The following PALS1 variants were observed in gnomAD, a reference collection of about 807,000 sequenced individuals.
The protein encoded by PALS1 is protein PALS1.
Under a neutral mutation model 78.9 loss-of-function variants are expected in PALS1, and 31 were observed. That is an observed-to-expected ratio of 0.39 (90% confidence interval 0.30 to 0.53). The LOEUF is 0.53. Ranked by LOEUF, PALS1 falls within the 20% of genes least tolerant of loss-of-function variation. PALS1 has a pLI of 0.67. For missense variants in PALS1, 704 were observed against 826.5 expected (o/e 0.85, Z 1.82); for synonymous variants, 276 against 270.9 (o/e 1.02, Z -0.18).
rs908189732 is a variant in PALS1, at chr14:67,332,691, C to T, written c.1852-89C>T. 16 of 1,300,412 alleles carry T rather than the reference C, an allele frequency of 1.2e-5. No homozygotes were observed. In the South Asian group the frequency reaches 1.4e-4, roughly 11 times the overall value. The allele number at this position is 1,300,412 out of a possible 1,614,324, so 80.6% of individuals were successfully genotyped here. On this transcript the variant is annotated intron_variant, in intron 14 of 14. Coordinates refer to ENST00000261681, the MANE Select transcript of PALS1 (RefSeq NM_022474.4). ...GAGACAGAAGGAAAGCTATGAAGGT[C>T]GCTCCTTGTTCTTTGGCCATCTCTG... is the stretch of plus-strand genomic sequence containing the variant.
At chr14:67,314,838 C>G (rs747259298) in intron 9 of PALS1, among the ~76,000 whole-genome samples, 9 of 152,168 alleles carry the variant, frequency 5.9e-5, no homozygotes, top group Non-Finnish European at 8.8e-5. Flanking sequence ...CACCTGTAAT[C>G]CCAGCACTTT....
intron 1 of PALS1, among the ~76,000 whole-genome samples, chr14:67,261,440 G>C (rs2084235270): frequency 6.6e-6 from 1 of 152,086 alleles, no homozygotes; most frequent in South Asian, 2.1e-4. Context: ...AGTATGTTTA[G>C]GGATATTACA....
intron 1 of PALS1, among the ~76,000 whole-genome samples, chr14:67,266,598 T>G (rs1373142556): frequency 1.3e-5 from 2 of 151,696 alleles, no homozygotes; most frequent in East Asian, 3.9e-4. Context: ...AGTGTTGGGA[T>G]TACAGGCATG....
At chr14:67,268,411 T>G (rs909286700) in intron 1 of PALS1, among the ~76,000 whole-genome samples, 2 of 152,130 alleles carry the variant, frequency 1.3e-5, no homozygotes, top group Admixed American at 1.3e-4. Flanking sequence ...GGCAAGTCCA[T>G]AGAGTAAAAT....
intron 13 of PALS1, among the ~76,000 whole-genome samples, chr14:67,321,599 ATTTATCT>A (rs2085265935): frequency 6.6e-6 from 1 of 152,186 alleles, no homozygotes; most frequent in African/African-American, 2.4e-5. Flanking sequence ...AATTAAATTC[ATTTATCT>A]TTTATATACA....
intron 1 of PALS1, among the ~76,000 whole-genome samples, chr14:67,260,163 C>T (rs2084213284): frequency 6.6e-6 from 1 of 152,212 alleles, no homozygotes; most frequent in Non-Finnish European, 1.5e-5. Context: ...AGCGCCAGCT[C>T]TCCATCTTCC....
intron 1 of PALS1, among the ~76,000 whole-genome samples, chr14:67,256,873 T>C (rs959173304): frequency 6.6e-6 from 1 of 151,782 alleles, no homozygotes; most frequent in Admixed American, 6.6e-5. Context: ...ATTAAAAAAA[T>C]ATTGATTCTT....
intron 10 of PALS1, 63 bp from the exon 11 acceptor site, chr14:67,317,345 T>G: frequency 7.4e-7 from 1 of 1,357,656 alleles, no homozygotes. Context: ...AGTTCTTCAA[T>G]TTGAGTTATG....
At chr14:67,321,657 G>T (rs1156894853) in intron 13 of PALS1, among the ~76,000 whole-genome samples, 1 of 151,906 alleles carries the variant, frequency 6.6e-6, no homozygotes, top group Admixed American at 6.6e-5. Flanking sequence ...TTTTTCCTGG[G>T]GATATTGAAT....
At chr14:67,247,668 T>C (rs960237333) in intron 1 of PALS1, among the ~76,000 whole-genome samples, 1 of 152,180 alleles carries the variant, frequency 6.6e-6, no homozygotes, top group East Asian at 1.9e-4. Flanking sequence ...GCCTCGACTT[T>C]CTGGGCTCAG....
chr14:67,327,940 T>G (rs115350346), intron 14 of PALS1, among the ~76,000 whole-genome samples: 4,628 of 152,304 alleles, frequency 0.03, 89 homozygotes, highest in Non-Finnish European at 0.036. Context: ...CTGCAGTCAA[T>G]GTACGTGTGC....
At chr14:67,248,966 C>T (rs952412818) in intron 1 of PALS1, among the ~76,000 whole-genome samples, 2 of 151,516 alleles carry the variant, frequency 1.3e-5, no homozygotes, top group African/African-American at 2.4e-5. Context: ...GGCCTACATA[C>T]CAATTTTTTT....
At chr14:67,285,299 T>C (rs2140746943) in intron 3 of PALS1, among the ~76,000 whole-genome samples, 1 of 152,174 alleles carries the variant, frequency 6.6e-6, no homozygotes, top group African/African-American at 2.4e-5. Context: ...TCTGTTTTCA[T>C]ATGGGGTAAA....
At chr14:67,297,916 C>T (rs2084881054) in intron 4 of PALS1, among the ~76,000 whole-genome samples, 1 of 152,148 alleles carries the variant, frequency 6.6e-6, no homozygotes, top group East Asian at 1.9e-4. Flanking sequence ...ATCAAATGTT[C>T]AGTCTTATGA....
In PALS1 at chr14:67,302,389, TATAC is replaced by T; in HGVS notation, c.802-17_802-14del. On this transcript the variant is annotated splice_polypyrimidine_tract_variant and intron_variant, in intron 6 of 14. Transcript: ENST00000261681. ...AATTGTATTATTTTTATTTTTAAAT[TATAC>T]ATATATATATTTTTAGGGTGCTACA... The T allele has an allele frequency of 7.3e-7, 1 of 1,373,282 alleles. No individual in the cohort carries two copies. 85.1% of individuals were successfully genotyped at this position (1,373,282 alleles called of 1,614,324 possible).
intron 4 of PALS1, among the ~76,000 whole-genome samples, chr14:67,300,178 T>C (rs980343215): frequency 1.3e-5 from 2 of 152,180 alleles, no homozygotes; most frequent in Non-Finnish European, 2.9e-5. Context: ...GAGGACAGAC[T>C]GGTTTTGGTA....
At chr14:67,294,134 T>C (rs913497369) in intron 4 of PALS1, among the ~76,000 whole-genome samples, 4 of 152,236 alleles carry the variant, frequency 2.6e-5, no homozygotes, top group African/African-American at 9.6e-5. Flanking sequence ...TATTCACATA[T>C]GTGAATATAG....
intron 1 of PALS1, among the ~76,000 whole-genome samples, chr14:67,259,687 G>C (rs2084204252): frequency 6.6e-6 from 1 of 151,750 alleles, no homozygotes. Context: ...GAGGCAGGAG[G>C]ATCCCTTTGC....
chr14:67,310,961 G>T (rs2085079750), intron 8 of PALS1, among the ~76,000 whole-genome samples: 1 of 152,128 alleles, frequency 6.6e-6, no homozygotes. Context: ...TGCCCCTTTT[G>T]GGGTAGACTG....
Sources: allele counts gnomAD v4.1 joint callset (sites outside exome capture counted in the v4.1 genomes callset), GRCh38; gene constraint gnomAD v4.1.1; transcripts MANE v1.5; gene names NCBI Gene and HGNC (gene_info 2026-07-23, HGNC 2026-07-21).